Variants in FARP1 observed in about 807,000 individuals in gnomAD.
The protein encoded by FARP1 is FERM, ARHGEF and pleckstrin domain-containing protein 1.
A neutral mutation model predicts 128.8 loss-of-function variants in FARP1; 52 were observed. That is an observed-to-expected ratio of 0.40 (90% CI 0.32 to 0.51). The LOEUF (loss-of-function observed/expected upper bound fraction) is 0.51, where lower values mean the gene tolerates loss of function less well. Among genes scored for constraint, FARP1 ranks in the 20% least tolerant of loss-of-function variants. The probability of loss-of-function intolerance (pLI) is 0.45; values close to 1 mark genes in which losing one functional copy is unlikely to be tolerated. For synonymous variants in FARP1, 580 were observed against 551.8 expected (o/e 1.05, Z -0.72); for missense variants, 1,333 against 1,367.9 (o/e 0.97, Z 0.40).
At chr13:98,359,953 A>G (rs936225032) in intron 3 of FARP1, among the ~76,000 whole-genome samples, 1 of 152,178 alleles carries the variant, frequency 6.6e-6, no homozygotes, top group Admixed American at 6.5e-5. Flanking sequence ...ATGGAGCAAG[A>G]TGGGCTCAAA....
intron 1 of FARP1, among the ~76,000 whole-genome samples, chr13:98,173,786 G>A (rs556344924): frequency 6.6e-6 from 1 of 152,322 alleles, no homozygotes; most frequent in Admixed American, 6.5e-5. Flanking sequence ...GGTCCAGACA[G>A]GATAAAGTGC....
intron 13 of FARP1, chr13:98,401,125 G>A (rs567705755): frequency 6.6e-6 from 1 of 152,152 alleles, no homozygotes; most frequent in Non-Finnish European, 1.5e-5. Context: ...AGCCAAGCCC[G>A]TAAGAGCATA....
intron 5 of FARP1, 95 bp downstream of exon 5, chr13:98,368,290 T>C: frequency 3.3e-6 from 3 of 911,768 alleles, no homozygotes; most frequent in Non-Finnish European, 5.4e-6. Context: ...ATTTTCATAA[T>C]GTTTACTTGA....
intron 1 of FARP1, among the ~76,000 whole-genome samples, chr13:98,211,575 CT>C (rs1217901024): frequency 6.6e-6 from 1 of 152,204 alleles, no homozygotes; most frequent in Non-Finnish European, 1.5e-5. Context: ...GATTCTCACT[CT>C]TTTTTGCCTG....
At chr13:98,223,816 T>G (rs369859812) in intron 2 of FARP1, among the ~76,000 whole-genome samples, 41 of 152,350 alleles carry the variant, frequency 2.7e-4, no homozygotes, top group African/African-American at 9.6e-4. Flanking sequence ...CCCCAGAAGC[T>G]ACTCTGTTAA....
chr13:98,385,980 C>T, intron 8 of FARP1, 166 bp downstream of exon 8: 1 of 644,470 alleles, frequency 1.6e-6, no homozygotes, highest in Non-Finnish European at 2.6e-6. Flanking sequence ...AGGCCCTCAG[C>T]TCCCAGATTC....
At chr13:98,330,233 G>T (rs185244548) in intron 2 of FARP1, among the ~76,000 whole-genome samples, 19 of 152,260 alleles carry the variant, frequency 1.2e-4, no homozygotes, top group South Asian at 1.0e-3. Context: ...TAGGTGACAG[G>T]GGTGGGGCAG....
rs527815004 is a variant in FARP1 at position 98,214,610 on chromosome 13, A to G, written c.171+1197A>G. 3.3e-5 allele frequency among the ~76,000 whole-genome samples: 5 copies of G among 152,326 alleles called. No individual in the cohort carries two copies. The South Asian group carries it at 8.3e-4, about 25-fold the overall frequency. ...GCGAATTATATTTATTTCAAAGAAC[A>G]TTGCTCAGAGCACATGAACTAACAT... On this transcript the variant is annotated intron_variant, in intron 2 of 26. Coordinates refer to ENST00000319562, the MANE Select transcript of FARP1 (RefSeq NM_005766.4).
At chr13:98,255,885 T>A (rs899143154) in intron 2 of FARP1, among the ~76,000 whole-genome samples, 1 of 152,192 alleles carries the variant, frequency 6.6e-6, no homozygotes, top group Non-Finnish European at 1.5e-5. Flanking sequence ...AGTAGAAACA[T>A]GTAGCTGGAA....
intron 2 of FARP1, among the ~76,000 whole-genome samples, chr13:98,321,987 A>G (rs544978857): frequency 6.6e-6 from 1 of 152,226 alleles, no homozygotes; most frequent in Admixed American, 6.5e-5. Flanking sequence ...TAAAATGGGT[A>G]TTGTTTGATT....
chr13:98,385,280 C>T (rs1277717735), intron 7 of FARP1, among the ~76,000 whole-genome samples: 2 of 152,148 alleles, frequency 1.3e-5, no homozygotes, highest in African/African-American at 2.4e-5. Flanking sequence ...TGGAGCCTGA[C>T]GGCCATGTGA....
intron 2 of FARP1, among the ~76,000 whole-genome samples, chr13:98,287,587 T>C (rs1202703637): frequency 1.3e-5 from 2 of 152,136 alleles, no homozygotes; most frequent in African/African-American, 4.8e-5. Flanking sequence ...AACCAGATTC[T>C]ACTTGACTGA....
chr13:98,295,813 A>G (rs1439536195), intron 2 of FARP1, among the ~76,000 whole-genome samples: 1 of 152,242 alleles, frequency 6.6e-6, no homozygotes, highest in Admixed American at 6.5e-5. Flanking sequence ...AAAGAATTGT[A>G]TCTGGAAGAC....
Position 98,439,184 on chromosome 13 carries a change from C to G in FARP1, c.2421C>G (p.Leu807=), listed in dbSNP as rs1892419382. 3 of 1,612,710 alleles carry G rather than the reference C, an allele frequency of 1.9e-6. No homozygotes were observed. The East Asian group carries it at 6.7e-5, about 36-fold the overall frequency. The change falls in exon 21 of 27, where the codon CTC becomes CTG. Residue 807 remains leucine, a synonymous_variant. Transcript: ENST00000319562. ...NQFKVHGQLP[L]YGMTIEESED... ...TTAAAGTCCACGGGCAGCTCCCGCT[C>G]TATGGCATGACGGTGAGTACAGCAC...
intron 1 of FARP1, among the ~76,000 whole-genome samples, chr13:98,188,384 C>T (rs1879018780): frequency 6.6e-6 from 1 of 151,936 alleles, no homozygotes; most frequent in Non-Finnish European, 1.5e-5. Flanking sequence ...GAAACCCCGT[C>T]TCTACTAAAA....
At chr13:98,404,019 TCACCAC>T (rs879555980) in intron 13 of FARP1, 1 of 135,436 alleles carries the variant, frequency 7.4e-6, no homozygotes, top group African/African-American at 2.9e-5. Flanking sequence ...ACCACCACCA[TCACCAC>T]CACCACTGCT....
intron 2 of FARP1, among the ~76,000 whole-genome samples, chr13:98,236,372 T>C (rs9582203): frequency 0.13 from 19,220 of 152,196 alleles, 2,716 homozygotes; most frequent in East Asian, 0.5. Flanking sequence ...TCTAGTAATA[T>C]GATACCTGCT....
rs866651563 is a variant in FARP1, at chr13:98,385,742, G to T, written c.687G>T (p.Leu229Phe). 6.2e-7 allele frequency: 1 copy of T among 1,614,174 alleles called. No individual in the cohort carries two copies. Among genetic ancestry groups the T allele is most frequent in the Non-Finnish European group, 8.5e-7 (1 of 1,180,032 alleles). ...GGCTAGAGATGTATGGAATCCGGTT[G>T]CACCCGGCCAAGGACAGGGAAGGCA... ...ARRLEMYGIR[L>F]HPAKDREGTK... Residue 229 changes from leucine (L) to phenylalanine (F), a missense_variant, in exon 8 of 27, where the codon TTG becomes TTT. Around this residue, in one of 2 missense-constraint regions of FARP1, gnomAD observed 324 missense variants for 398.1 expected, o/e 0.81. Coordinates refer to ENST00000319562, the MANE Select transcript of FARP1 (RefSeq NM_005766.4).
rs56021612 is a variant in FARP1 at position 98,448,737 on chromosome 13, GTGTT to G, written c.*435_*438del. The G allele has an allele frequency of 0.56, 87,588 of 157,490 alleles. 24,739 individuals are homozygous for G. Among genetic ancestry groups the G allele is most frequent in the East Asian group, 0.63 (3,282 of 5,228 alleles). 9.8% of individuals were successfully genotyped at this position (157,490 alleles called of 1,614,324 possible). A position where few individuals can be genotyped will look rare whatever the true frequency, so the allele number is the denominator to read the frequency against. ...TGCATTTTACGAAGTGGACTTCCCGGTGTTTGTTTGTTTGTTTGCAATACACTCA... is the reference window on the plus strand; with the variant it reads ...TGCATTTTACGAAGTGGACTTCCCGGTGTTTGTTTGTTTGCAATACACTCA... On this transcript the variant is annotated 3_prime_UTR_variant, in exon 27 of 27. Transcript: ENST00000319562.
Sources: allele counts gnomAD v4.1 joint callset (sites outside exome capture counted in the v4.1 genomes callset), GRCh38; gene constraint gnomAD v4.1.1; regional missense constraint gnomAD v4.1.1; transcripts MANE v1.5; gene names NCBI Gene and HGNC (gene_info 2026-07-23, HGNC 2026-07-21).